Variants in ZNF791 observed in about 807,000 individuals in gnomAD.
ZNF791 encodes zinc finger protein 791.
A neutral mutation model predicts 11.5 loss-of-function variants in ZNF791; 4 were observed. That is an observed-to-expected ratio of 0.35 (90% CI 0.17 to 0.80). ZNF791 has a LOEUF of 0.80. Among genes scored for constraint, ZNF791 ranks in the 30% least tolerant of loss-of-function variants. The pLI is 0.53. For missense variants in ZNF791, 559 were observed against 699.4 expected, an observed-to-expected ratio of 0.80 and a Z score of 2.26; for synonymous variants, 212 against 228.1, an observed-to-expected ratio of 0.93 and a Z score of 0.64.
chr19:12,612,220 T>A (rs79006327), intron 1 of ZNF791: 6 of 688,986 alleles, frequency 8.7e-6, no homozygotes, highest in South Asian at 6.5e-5. Flanking sequence ...TTTTTTTTTT[T>A]AACAGATGGG....
intron 1 of ZNF791, among the ~76,000 whole-genome samples, chr19:12,621,453 G>C (rs2023341718): frequency 9.4e-6 from 1 of 106,520 alleles, no homozygotes; most frequent in Non-Finnish European, 2.6e-5. Context: ...ACACAGCCGG[G>C]CGTGGTCGCT....
intron 1 of ZNF791, among the ~76,000 whole-genome samples, chr19:12,622,360 A>AT (rs1454145391): frequency 7.1e-6 from 1 of 140,076 alleles, no homozygotes; most frequent in Admixed American, 7.3e-5. Flanking sequence ...AAAAAAATAA[A>AT]TTAAAAAAAA....
chr19:12,625,444 T>C (rs1446153280), intron 3 of ZNF791, among the ~76,000 whole-genome samples: 1 of 151,880 alleles, frequency 6.6e-6, no homozygotes, highest in African/African-American at 2.4e-5. Flanking sequence ...AGAAAATGTT[T>C]ACCAAAAATG....
intron 3 of ZNF791, among the ~76,000 whole-genome samples, chr19:12,626,086 G>A (rs774288959): frequency 2.0e-5 from 3 of 152,092 alleles, no homozygotes; most frequent in South Asian, 2.1e-4. Context: ...GCGCAATCTC[G>A]GCTCACTGCA....
Position 12,628,541 on chromosome 19 carries a change from A to G in ZNF791, c.1012A>G (p.Ser338Gly), listed in dbSNP as rs767872249. 6 of 1,603,936 alleles carry G rather than the reference A, an allele frequency of 3.7e-6. No individual in the cohort carries two copies. Among genetic ancestry groups the G allele is most frequent in the Non-Finnish European group, 5.1e-6 (6 of 1,175,534 alleles). The change falls in exon 4 of 4, where the codon AGT (serine) becomes GGT (glycine). Residue 338 changes from serine to glycine, a missense_variant. Coordinates refer to ENST00000343325, the MANE Select transcript of ZNF791 (RefSeq NM_153358.3). ...YKCKECGKSF[S>G]ARPAFRVHVR... ...ATGTAAAGAATGTGGGAAATCTTTCAGTGCACGCCCAGCCTTTCGAGTACA... is the reference window on the plus strand; with the variant it reads ...ATGTAAAGAATGTGGGAAATCTTTCGGTGCACGCCCAGCCTTTCGAGTACA...
chr19:12,612,207 T>C (rs1196080275), intron 1 of ZNF791: 1 of 226,234 alleles, frequency 4.4e-6, no homozygotes, highest in African/African-American at 2.5e-5. Flanking sequence ...TATTATTTTC[T>C]TTTTTTTTTT....
Position 12,623,846 on chromosome 19 carries a change from TTCTTTTTTC to T in ZNF791, c.130+22_130+30del. On this transcript the variant is annotated intron_variant, in intron 2 of 3. Transcript: ENST00000343325. Reference sequence around the variant, plus strand: ...CTATAGGTAAGGATGACATCATTTTTTCTTTTTTCTTTTTTTTTTTTTTTGGGGGGGGAC... The same window carrying T: ...CTATAGGTAAGGATGACATCATTTTTTTTTTTTTTTTTTTTGGGGGGGGAC... 2.7e-6 allele frequency: 3 copies of T among 1,120,532 alleles called. No individual in the cohort carries two copies. Among genetic ancestry groups the T allele is most frequent in the South Asian group, 1.6e-5 (1 of 63,030 alleles). The allele number at this position is 1,120,532 out of a possible 1,614,324, so 69.4% of individuals were successfully genotyped here. A position where few individuals can be genotyped will look rare whatever the true frequency, so the allele number is the denominator to read the frequency against.
At chr19:12,623,869 TTGGG>T in intron 2 of ZNF791, 43 bp downstream of exon 2, 1 of 828,374 alleles carries the variant, frequency 1.2e-6, no homozygotes, top group Non-Finnish European at 1.7e-6. Context: ...TTTTTTTTTT[TTGGG>T]GGGGGACAGA....
At position 12,610,991 on chromosome 19, in the gene ZNF791, G is replaced by A. The variant is rs1236116924; in HGVS notation, c.-89G>A. 3 of 1,578,158 alleles carry A rather than the reference G, an allele frequency of 1.9e-6. No individual in the cohort carries two copies. Among genetic ancestry groups the A allele is most frequent in the Non-Finnish European group, 2.6e-6 (3 of 1,148,596 alleles). On this transcript the variant is annotated 5_prime_UTR_variant, in exon 1 of 4. Coordinates refer to ENST00000343325, the MANE Select transcript of ZNF791 (RefSeq NM_153358.3). Reference sequence around the variant, plus strand: ...GTCTCCTGGCCCCTTGACGCGTCAGGTTGCTGTACCCCTGCATCGGATGCG... The same window carrying A: ...GTCTCCTGGCCCCTTGACGCGTCAGATTGCTGTACCCCTGCATCGGATGCG...
In ZNF791 at chr19:12,610,978, C is replaced by G; in HGVS notation, c.-102C>G. The G allele has an allele frequency of 6.6e-7, 1 of 1,523,534 alleles. No individual in the cohort carries two copies. Among genetic ancestry groups the G allele is most frequent in the Non-Finnish European group, 9.1e-7 (1 of 1,099,798 alleles). The allele number at this position is 1,523,534 out of a possible 1,614,324, so 94.4% of individuals were successfully genotyped here. On this transcript the variant is annotated 5_prime_UTR_variant, in exon 1 of 4. Coordinates refer to ENST00000343325, the MANE Select transcript of ZNF791 (RefSeq NM_153358.3). ...TGCTTAGCTTGGGGTCTCCTGGCCC[C>G]TTGACGCGTCAGGTTGCTGTACCCC...
chr19:12,628,501 A>G lies in ZNF791; in HGVS notation c.972A>G (p.Gly324=). ...AAATTCATGAAAGAATTCATACTGGAGAGAAGCCCTATAAATGTAAAGAAT... is the reference window on the plus strand; with the variant it reads ...AAATTCATGAAAGAATTCATACTGGGGAGAAGCCCTATAAATGTAAAGAAT... ...SIQIHERIHT[G]EKPYKCKECG... Residue 324 remains glycine, a synonymous_variant, in exon 4 of 4, where the codon GGA becomes GGG. Coordinates refer to ENST00000343325, the MANE Select transcript of ZNF791 (RefSeq NM_153358.3). 1 of 1,612,238 alleles carries G rather than the reference A, an allele frequency of 6.2e-7. No individual in the cohort carries two copies. Among genetic ancestry groups the G allele is most frequent in the Non-Finnish European group, 8.5e-7 (1 of 1,179,242 alleles).
chr19:12,618,808 AGTGTGTGTGTGT>A (rs60468264), intron 1 of ZNF791, among the ~76,000 whole-genome samples: 6,278 of 143,664 alleles, frequency 0.044, 196 homozygotes, highest in African/African-American at 0.087. Flanking sequence ...TTTACCTCTC[AGTGTGTGTGTGT>A]GTGTGTGTGT....
rs2023496585 is a variant in ZNF791, at chr19:12,631,080, A to G, written c.*1820A>G. The G allele has an allele frequency of 6.6e-6, 1 of 152,134 alleles. No homozygotes were observed. Among genetic ancestry groups the G allele is most frequent in the Non-Finnish European group, 1.5e-5 (1 of 68,034 alleles). 9.4% of individuals were successfully genotyped at this position (152,134 alleles called of 1,614,324 possible). On this transcript the variant is annotated 3_prime_UTR_variant, in exon 4 of 4. Coordinates refer to ENST00000343325, the MANE Select transcript of ZNF791 (RefSeq NM_153358.3). ...AGAGCAACTTCTAGTCCTGCAAGCT[A>G]TGTTCATGGAGTGTCCTATGCAGGT...
At chr19:12,625,315 T>G (rs1265474514) in intron 3 of ZNF791, among the ~76,000 whole-genome samples, 1 of 150,162 alleles carries the variant, frequency 6.7e-6, no homozygotes, top group Non-Finnish European at 1.5e-5. Context: ...GAGACAGGGT[T>G]TCTCCATGTT....
At chr19:12,611,872 C>A (rs2023162761) in intron 1 of ZNF791, among the ~76,000 whole-genome samples, 1 of 151,970 alleles carries the variant, frequency 6.6e-6, no homozygotes, top group Admixed American at 6.6e-5. Context: ...GGGTTTATGA[C>A]CTTGAAAAGA....
rs2023470858 is a variant in ZNF791 at position 12,629,307 on chromosome 19, G to T, written c.*47G>T. Reference sequence around the variant, plus strand: ...TAGGAGAAAGTTTTCAATTCTAACAGATGCTTTCAAAGTTGTGAAAATTCC... The same window carrying T: ...TAGGAGAAAGTTTTCAATTCTAACATATGCTTTCAAAGTTGTGAAAATTCC... On this transcript the variant is annotated 3_prime_UTR_variant, in exon 4 of 4. Transcript: ENST00000343325. 1.4e-6 allele frequency: 2 copies of T among 1,381,940 alleles called. No homozygotes were observed. Among genetic ancestry groups the T allele is most frequent in the African/African-American group, 2.9e-5 (2 of 68,902 alleles). The allele number at this position is 1,381,940 out of a possible 1,614,324, so 85.6% of individuals were successfully genotyped here.
chr19:12,611,499 A>G (rs2023155983), intron 1 of ZNF791, among the ~76,000 whole-genome samples: 1 of 151,956 alleles, frequency 6.6e-6, no homozygotes, highest in Admixed American at 6.6e-5. Context: ...TAATCCCTAG[A>G]TTTCCGGATC....
chr19:12,620,876 T>A (rs1227128745), intron 1 of ZNF791, among the ~76,000 whole-genome samples: 4 of 146,868 alleles, frequency 2.7e-5, no homozygotes, highest in African/African-American at 1.0e-4. Context: ...TTCTCCTGCC[T>A]CTGCCTCCCG....
chr19:12,613,304 C>T (rs1599318947), intron 1 of ZNF791, among the ~76,000 whole-genome samples: 3 of 151,676 alleles, frequency 2.0e-5, no homozygotes, highest in Admixed American at 6.6e-5. Context: ...TTTAAGGGCC[C>T]GGCACGGTGG....
Sources: allele counts gnomAD v4.1 joint callset (sites outside exome capture counted in the v4.1 genomes callset), GRCh38; gene constraint gnomAD v4.1.1; transcripts MANE v1.5; gene names NCBI Gene and HGNC (gene_info 2026-07-23, HGNC 2026-07-21).